Variants in DIO2 observed in about 807,000 individuals in gnomAD.
The protein encoded by DIO2 is iodothyronine deiodinase 2.
A neutral mutation model predicts 21.4 loss-of-function variants in DIO2; 19 were observed. That is an observed-to-expected ratio of 0.89 (90% confidence interval 0.62 to 1.30). The LOEUF is 1.30. Among genes scored for constraint, DIO2 ranks in the 50% most tolerant of loss-of-function variants. The pLI is 0.00. For synonymous variants in DIO2, 122 were observed against 132.9 expected (o/e 0.92, Z 0.57); for missense variants, 302 against 338.1 (o/e 0.89, Z 0.84).
At chr14:80,218,411 T>G (rs1784542745) in intron 2 of DIO2, among the ~76,000 whole-genome samples, 1 of 152,174 alleles carries the variant, frequency 6.6e-6, no homozygotes, top group Non-Finnish European at 1.5e-5. Context: ...ATTATCAACC[T>G]GAATCTTAAA....
chr14:80,221,264 CT>C (rs1001239433), intron 2 of DIO2, among the ~76,000 whole-genome samples: 5 of 152,188 alleles, frequency 3.3e-5, no homozygotes, highest in Admixed American at 3.3e-4. Context: ...ATTTTTTTCT[CT>C]TATATCTACC....
At chr14:80,206,407 A>T in intron 1 of DIO2, 2 of 847,700 alleles carry the variant, frequency 2.4e-6, no homozygotes, top group Non-Finnish European at 3.7e-6. Context: ...AATATTCTAA[A>T]AGGATATTAC....
At position 80,197,662 on chromosome 14, in the gene DIO2, G is replaced by A. The variant is rs1373536656; in HGVS notation, c.*5027C>T. 1 of 152,630 alleles carries A rather than the reference G, an allele frequency of 6.6e-6. No homozygotes were observed. 9.5% of individuals were successfully genotyped at this position (152,630 alleles called of 1,614,324 possible). A position where few individuals can be genotyped will look rare whatever the true frequency, so the allele number is the denominator to read the frequency against. On this transcript the variant is annotated 3_prime_UTR_variant, in exon 2 of 2. Coordinates refer to ENST00000438257, the MANE Select transcript of DIO2 (RefSeq NM_013989.5). ...GCAGTTCATTTTCTGCAACTGAGAA[G>A]CACATATGTGTAGCATATGCACGCG... is the stretch of plus-strand genomic sequence containing the variant.
chr14:80,220,023 T>G (rs1253505809), intron 2 of DIO2, among the ~76,000 whole-genome samples: 2 of 148,932 alleles, frequency 1.3e-5, no homozygotes, highest in East Asian at 3.9e-4. Flanking sequence ...ATGAAAGAAG[T>G]TTGTTACAAT....
At chr14:80,228,861 G>A (rs138025570) in intron 2 of DIO2, among the ~76,000 whole-genome samples, 2,047 of 152,230 alleles carry the variant, frequency 0.013, 18 homozygotes, top group Non-Finnish European at 0.022. Context: ...GGGTCCCCTG[G>A]AATCAACATC....
chr14:80,206,592 T>C (rs775551689), intron 1 of DIO2, among the ~76,000 whole-genome samples: 1 of 152,146 alleles, frequency 6.6e-6, no homozygotes, highest in Non-Finnish European at 1.5e-5. Flanking sequence ...GAGCAAAGCA[T>C]TCCTTGACAC....
At chr14:80,222,181 G>GA (rs764687049) in intron 2 of DIO2, among the ~76,000 whole-genome samples, 1 of 152,024 alleles carries the variant, frequency 6.6e-6, no homozygotes, top group Admixed American at 6.5e-5. Context: ...TTGCTATATT[G>GA]AAAAAAATAT....
At chr14:80,224,286 T>C (rs1888525570) in intron 2 of DIO2, among the ~76,000 whole-genome samples, 1 of 152,116 alleles carries the variant, frequency 6.6e-6, no homozygotes, top group Non-Finnish European at 1.5e-5. Flanking sequence ...GTTTCGCAAT[T>C]TGTATGATAG....
At chr14:80,205,029 T>G (rs1483132187) in intron 1 of DIO2, among the ~76,000 whole-genome samples, 1 of 152,180 alleles carries the variant, frequency 6.6e-6, no homozygotes, top group Non-Finnish European at 1.5e-5. Context: ...TATACTAACT[T>G]TCTTGATTAA....
intron 1 of DIO2, chr14:80,206,157 T>C (rs1887947048): frequency 1.1e-6 from 1 of 946,458 alleles, no homozygotes; most frequent in Non-Finnish European, 1.6e-6. Flanking sequence ...TTCATGAAGG[T>C]GCCTAGGCAA....
At chr14:80,227,457 G>T (rs185707383) in intron 2 of DIO2, among the ~76,000 whole-genome samples, 1 of 152,330 alleles carries the variant, frequency 6.6e-6, no homozygotes, top group African/African-American at 2.4e-5. Flanking sequence ...GTTCATGATA[G>T]GCAATTCAGG....
intron 2 of DIO2, among the ~76,000 whole-genome samples, chr14:80,227,160 G>A (rs1441475667): frequency 6.6e-6 from 1 of 152,138 alleles, no homozygotes; most frequent in Non-Finnish European, 1.5e-5. Context: ...CCACTCTCAG[G>A]TGGTGCCTGC....
chr14:80,230,680 C>G (rs1291302505), intron 2 of DIO2, among the ~76,000 whole-genome samples: 3 of 152,156 alleles, frequency 2.0e-5, no homozygotes, highest in Non-Finnish European at 4.4e-5. Context: ...ATGTCAAGAG[C>G]TATCACTGTT....
rs1887660828 is a variant in DIO2 at position 80,200,220 on chromosome 14, T to C, written c.*2469A>G. The stretch of plus-strand genomic sequence containing the variant: ...CCACAGCCTTTCTTCCAGAAATTCT[T>C]GCATGTTCTATTGAACATCTTCCTC... On this transcript the variant is annotated 3_prime_UTR_variant, in exon 2 of 2. Transcript: ENST00000438257. 6.5e-6 allele frequency: 1 copy of C among 152,678 alleles called. No homozygotes were observed. Among genetic ancestry groups the C allele is most frequent in the African/African-American group, 2.4e-5 (1 of 41,456 alleles). 9.5% of individuals were successfully genotyped at this position (152,678 alleles called of 1,614,324 possible).
chr14:80,222,794 G>C (rs1594882516), intron 2 of DIO2, among the ~76,000 whole-genome samples: 1 of 151,550 alleles, frequency 6.6e-6, no homozygotes, highest in African/African-American at 2.4e-5. Context: ...CATTCTACTT[G>C]AACTATATAT....
chr14:80,225,105 C>T (rs1888545876), intron 2 of DIO2, among the ~76,000 whole-genome samples: 3 of 152,122 alleles, frequency 2.0e-5, no homozygotes, highest in African/African-American at 7.2e-5. Context: ...ATGGTGCCCA[C>T]CAGATTAAGG....
chr14:80,207,262 TTGA>T, intron 1 of DIO2, among the ~76,000 whole-genome samples: 1 of 152,170 alleles, frequency 6.6e-6, no homozygotes, highest in East Asian at 1.9e-4. Context: ...TTTGATTCCC[TTGA>T]TGATGTTCAG....
At position 80,199,235 on chromosome 14, in the gene DIO2, C is replaced by A. The variant is rs558488767; in HGVS notation, c.*3454G>T. 6.6e-6 allele frequency: 1 copy of A among 152,242 alleles called. No homozygotes were observed. The highest frequency in any genetic ancestry group is 2.1e-4 in the South Asian group (1 of 4,812). The allele number at this position is 152,242 out of a possible 1,614,324, so 9.4% of individuals were successfully genotyped here. A position where few individuals can be genotyped will look rare whatever the true frequency, so the allele number is the denominator to read the frequency against. On this transcript the variant is annotated 3_prime_UTR_variant, in exon 2 of 2. Coordinates refer to ENST00000438257, the MANE Select transcript of DIO2 (RefSeq NM_013989.5). ...ATTTCATAATTTTTATTTCAGAGCC[C>A]AAATAGTAAAATACACTCAGGCAAA... is the stretch of plus-strand genomic sequence containing the variant.
chr14:80,218,842 G>A (rs1376019940), intron 2 of DIO2, among the ~76,000 whole-genome samples: 1 of 152,102 alleles, frequency 6.6e-6, no homozygotes, highest in Admixed American at 6.5e-5. Context: ...GCATGGCGTG[G>A]TGGTGCATGC....
Sources: allele counts gnomAD v4.1 joint callset (sites outside exome capture counted in the v4.1 genomes callset), GRCh38; gene constraint gnomAD v4.1.1; transcripts MANE v1.5; gene names NCBI Gene and HGNC (gene_info 2026-07-23, HGNC 2026-07-21).